The following PTPRM variants were observed in gnomAD, a reference collection of about 807,000 sequenced individuals.
PTPRM encodes the protein protein tyrosine phosphatase receptor type M.
A neutral mutation model predicts 186.7 loss-of-function variants in PTPRM; 47 were observed. That is an observed-to-expected ratio of 0.25 (90% confidence interval 0.20 to 0.32). PTPRM has a LOEUF of 0.32. PTPRM is among the 10% of genes least tolerant of loss of function. The probability of loss-of-function intolerance (pLI) is 1.00; values close to 1 mark genes in which losing one functional copy is unlikely to be tolerated. For synonymous variants in PTPRM, 668 were observed against 674.9 expected (o/e 0.99, Z 0.16); for missense variants, 1,494 against 1,865.0 (o/e 0.80, Z 3.66).
At chr18:7,682,664 CTT>C (rs904607860) in intron 1 of PTPRM, among the ~76,000 whole-genome samples, 2 of 152,186 alleles carry the variant, frequency 1.3e-5, no homozygotes, top group African/African-American at 4.8e-5. Flanking sequence ...TTTATGACCT[CTT>C]TGAGTTAGTT....
intron 31 of PTPRM, among the ~76,000 whole-genome samples, chr18:8,392,748 G>A (rs575441884): frequency 1.3e-5 from 2 of 152,254 alleles, no homozygotes; most frequent in African/African-American, 4.8e-5. Flanking sequence ...AAAACAGGCT[G>A]GGGACTTGTC....
At chr18:8,224,243 C>T (rs968816529) in intron 14 of PTPRM, among the ~76,000 whole-genome samples, 3 of 152,182 alleles carry the variant, frequency 2.0e-5, no homozygotes, top group Admixed American at 6.5e-5. Context: ...ATGCAACTGC[C>T]ACCTGAGTAG....
intron 14 of PTPRM, among the ~76,000 whole-genome samples, chr18:8,238,868 CGTTA>C (rs1367003042): frequency 6.6e-6 from 1 of 151,122 alleles, no homozygotes; most frequent in Non-Finnish European, 1.5e-5. Flanking sequence ...TCTCCCCCAC[CGTTA>C]GTTGGGATAG....
Position 8,296,474 on chromosome 18 carries a change from A to AT in PTPRM, c.2842+21dup. ...ATTGCATGTAAGTGTCAACAGTGTCATTGTGCTGTTGTAGAACTTCCTTTT... is the reference window on the plus strand; with the variant it reads ...ATTGCATGTAAGTGTCAACAGTGTCATTTGTGCTGTTGTAGAACTTCCTTTT... On this transcript the variant is annotated intron_variant, in intron 20 of 32. Coordinates refer to ENST00000580170, the MANE Select transcript of PTPRM (RefSeq NM_001105244.2). The AT allele has an allele frequency of 1.9e-6, 3 of 1,559,168 alleles. No individual in the cohort carries two copies. The highest frequency in any genetic ancestry group is 2.7e-6 in the Non-Finnish European group (3 of 1,130,278).
intron 2 of PTPRM, among the ~76,000 whole-genome samples, chr18:7,887,756 A>T (rs2048859320): frequency 6.6e-6 from 1 of 152,188 alleles, no homozygotes; most frequent in African/African-American, 2.4e-5. Context: ...GAGGACACGC[A>T]TTTTAAATAT....
Position 7,774,409 on chromosome 18 carries a change from G to C in PTPRM, c.196+138G>C. ...CAGTCAAAGTTGGATTAGCTAGTGA[G>C]AGTGGTGCAATTAACAGGATAGGTT... On this transcript the variant is annotated intron_variant, in intron 2 of 32. Transcript: ENST00000580170. The C allele has an allele frequency of 6.8e-6, 7 of 1,030,894 alleles. 1 individual carries two copies. In the South Asian group the frequency reaches 9.4e-5, roughly 14 times the overall value. 63.9% of individuals were successfully genotyped at this position (1,030,894 alleles called of 1,614,324 possible).
At chr18:7,785,605 G>A (rs1169440064) in intron 2 of PTPRM, among the ~76,000 whole-genome samples, 1 of 152,174 alleles carries the variant, frequency 6.6e-6, no homozygotes, top group African/African-American at 2.4e-5. Flanking sequence ...GAGGTACACC[G>A]ACTTCGTGTC....
chr18:8,394,603 G>A lies in PTPRM; in HGVS notation c.4336G>A (p.Asp1446Asn), dbSNP rs776891363. 1.9e-6 allele frequency: 3 copies of A among 1,609,972 alleles called. No individual in the cohort carries two copies. The highest frequency in any genetic ancestry group is 1.1e-5 in the South Asian group (1 of 90,218). Reference protein sequence around the residue: ...TLRNNKPNMVDLLDQYKFCYE... With the variant: ...TLRNNKPNMVNLLDQYKFCYE... ...GAGGAACAACAAGCCCAACATGGTC[G>A]ACCTCCTGGTAGGACACCCCCTCTG... The change falls in exon 32 of 33, where the codon GAC becomes AAC. Residue 1446 changes from aspartate (D) to asparagine (N), a missense_variant. Physicochemically the swap from Asp to Asn is conservative, Grantham distance 23. Transcript: ENST00000580170.
chr18:7,799,710 T>TA (rs1004851410), intron 2 of PTPRM, among the ~76,000 whole-genome samples: 3 of 152,066 alleles, frequency 2.0e-5, no homozygotes, highest in Non-Finnish European at 2.9e-5. Flanking sequence ...GTTGTCTTTT[T>TA]AAAAAAAATG....
chr18:7,645,704 G>C (rs1229739863), intron 1 of PTPRM, among the ~76,000 whole-genome samples: 1 of 152,132 alleles, frequency 6.6e-6, no homozygotes, highest in Non-Finnish European at 1.5e-5. Context: ...GACCAGCGAT[G>C]GTGCCATTCT....
intron 9 of PTPRM, among the ~76,000 whole-genome samples, chr18:8,078,558 G>A (rs1362129376): frequency 2.0e-5 from 3 of 152,178 alleles, no homozygotes. Flanking sequence ...TTTAAGGGAG[G>A]CAGCACACAG....
At chr18:8,154,489 C>T (rs1240267649) in intron 14 of PTPRM, 1 of 152,176 alleles carries the variant, frequency 6.6e-6, no homozygotes, top group Non-Finnish European at 1.5e-5. Context: ...ATGAGCCAGC[C>T]GCCATCGTCT....
chr18:7,567,774 C>A lies in PTPRM; in HGVS notation c.-45C>A, dbSNP rs373199344. 2.0e-6 allele frequency: 3 copies of A among 1,500,162 alleles called. No homozygotes were observed. The African/African-American group carries it at 4.4e-5, about 22-fold the overall frequency. 92.9% of individuals were successfully genotyped at this position (1,500,162 alleles called of 1,614,324 possible). ...TCCCGGCCCCCTCCGCCCTCGCGCG[C>A]CCACCCACCGCCGCCGGGGAGCGGC... On this transcript the variant is annotated 5_prime_UTR_variant, in exon 1 of 33. Coordinates refer to ENST00000580170, the MANE Select transcript of PTPRM (RefSeq NM_001105244.2). This position sits in a 1 kb window ranked among gnomAD's most constrained non-coding sequence, Gnocchi z 4.3.
intron 14 of PTPRM, among the ~76,000 whole-genome samples, chr18:8,161,024 A>G (rs1046676295): frequency 1.3e-5 from 2 of 152,226 alleles, no homozygotes; most frequent in Non-Finnish European, 2.9e-5. Flanking sequence ...ATTTGAAGAA[A>G]TTGGCCACTC....
intron 1 of PTPRM, among the ~76,000 whole-genome samples, chr18:7,572,829 TTAA>T (rs1346193701): frequency 3.3e-5 from 5 of 152,342 alleles, no homozygotes; most frequent in Admixed American, 2.0e-4. Context: ...GGTTTAATTA[TTAA>T]TGTCTTTCCA....
At chr18:7,716,486 T>G (rs1186362636) in intron 1 of PTPRM, among the ~76,000 whole-genome samples, 1 of 152,060 alleles carries the variant, frequency 6.6e-6, no homozygotes, top group Non-Finnish European at 1.5e-5. Context: ...CATTGACAAA[T>G]GGGATCTAAT....
In PTPRM at chr18:8,126,027, A is replaced by AT. The variant is rs752110255; in HGVS notation, c.2167+11204dup. On this transcript the variant is annotated intron_variant, in intron 13 of 32. Coordinates refer to ENST00000580170, the MANE Select transcript of PTPRM (RefSeq NM_001105244.2). ...TATATATATATATATATATATATAT[A>AT]TTTTAAATCAGTAGACCTTTCCATT... Among the ~76,000 whole-genome samples the AT allele has an allele frequency of 1.3e-3, 91 of 69,508 alleles. 3 individuals are homozygous for AT. Among genetic ancestry groups the AT allele is most frequent in the South Asian group, 3.3e-3 (6 of 1,802 alleles). 45.6% of individuals were successfully genotyped at this position (69,508 alleles called of 152,430 possible). A position where few individuals can be genotyped will look rare whatever the true frequency, so the allele number is the denominator to read the frequency against.
At chr18:8,317,208 T>G (rs974301492) in intron 21 of PTPRM, among the ~76,000 whole-genome samples, 3 of 151,792 alleles carry the variant, frequency 2.0e-5, no homozygotes, top group Admixed American at 1.3e-4. Context: ...GAGGTGGCAG[T>G]GGAGGTGAGA....
At chr18:8,239,649 A>G (rs1299902542) in intron 14 of PTPRM, among the ~76,000 whole-genome samples, 1 of 152,112 alleles carries the variant, frequency 6.6e-6, no homozygotes, top group Non-Finnish European at 1.5e-5. Flanking sequence ...GATTCTCTGT[A>G]TTTACCTTTT....
Sources: gnomAD v4.1 joint callset for allele counts (sites outside exome capture counted in the v4.1 genomes callset) on GRCh38, gnomAD v4.1.1 for gene constraint, Gnocchi (gnomAD v3.1) non-coding constraint, MANE v1.5 for transcripts, NCBI Gene and HGNC (gene_info 2026-07-23, HGNC 2026-07-21) for gene names.